Variants in EPC2 observed in about 807,000 individuals in gnomAD.
The protein encoded by EPC2 is enhancer of polycomb 2.
EPC2 carries 14 observed loss-of-function variants against 92.1 expected under a neutral mutation model. The ratio of observed to expected loss-of-function variants is 0.15; its 90% CI spans 0.10 to 0.24. The LOEUF (loss-of-function observed/expected upper bound fraction) is 0.24, where lower values mean the gene tolerates loss of function less well. EPC2 is among the 10% of genes least tolerant of loss of function. EPC2 has a pLI of 1.00. For synonymous variants in EPC2, 340 were observed against 334.7 expected, an observed-to-expected ratio of 1.02 and a Z score of -0.17; for missense variants, 755 against 971.5, an observed-to-expected ratio of 0.78 and a Z score of 2.96.
intron 1 of EPC2, among the ~76,000 whole-genome samples, chr2:148,651,529 A>T (rs1680684695): frequency 6.6e-6 from 1 of 152,212 alleles, no homozygotes; most frequent in African/African-American, 2.4e-5. Context: ...AGACTAAATT[A>T]TAGGCAGTTT....
chr2:148,690,590 G>A (rs1167645467), intron 2 of EPC2, among the ~76,000 whole-genome samples: 1 of 152,156 alleles, frequency 6.6e-6, no homozygotes, highest in Non-Finnish European at 1.5e-5. Context: ...TATTTATGTA[G>A]TATAGGATTT....
At position 148,732,193 on chromosome 2, in the gene EPC2, T is replaced by G. The variant is rs571486103; in HGVS notation, c.314-11429T>G. Among the ~76,000 whole-genome samples the G allele has an allele frequency of 2.2e-3, 339 of 152,234 alleles. 3 individuals carry two copies. Among genetic ancestry groups the G allele is most frequent in the Middle Eastern group, 6.8e-3 (2 of 294 alleles). On this transcript the variant is annotated intron_variant, in intron 2 of 13. Transcript: ENST00000258484. ...GCAAAGAGTTCTTTCAGTTCTATTATTCTAAGAAAATTAAAAATGACTGCC... is the reference window on the plus strand; with the variant it reads ...GCAAAGAGTTCTTTCAGTTCTATTAGTCTAAGAAAATTAAAAATGACTGCC...
intron 2 of EPC2, among the ~76,000 whole-genome samples, chr2:148,728,440 T>G (rs1040515871): frequency 6.6e-6 from 1 of 152,052 alleles, no homozygotes; most frequent in Non-Finnish European, 1.5e-5. Context: ...ATTATCCAGT[T>G]TCCTAGAAAA....
At chr2:148,690,084 T>C (rs1681613246) in intron 1 of EPC2, 130 bp from the exon 2 acceptor site, 2 of 854,152 alleles carry the variant, frequency 2.3e-6, no homozygotes, top group East Asian at 2.8e-5. Context: ...TGTAGGTCTT[T>C]GGCAAAGGAA....
In EPC2 at chr2:148,787,000, A is replaced by C. The variant is rs1683880905; in HGVS notation, c.*623A>C. 1 of 152,648 alleles carries C rather than the reference A, an allele frequency of 6.6e-6. No homozygotes were observed. The highest frequency in any genetic ancestry group is 2.4e-5 in the African/African-American group (1 of 41,456). 9.5% of individuals were successfully genotyped at this position (152,648 alleles called of 1,614,324 possible). A position where few individuals can be genotyped will look rare whatever the true frequency, so the allele number is the denominator to read the frequency against. On this transcript the variant is annotated 3_prime_UTR_variant, in exon 14 of 14. Coordinates refer to ENST00000258484, the MANE Select transcript of EPC2 (RefSeq NM_015630.4). ...GGGATGGATCGATACATGCAAATTT[A>C]ATGTAGTAACTCACTTTTCCATATA...
chr2:148,706,189 G>A (rs936885576), intron 2 of EPC2, among the ~76,000 whole-genome samples: 9 of 152,152 alleles, frequency 5.9e-5, no homozygotes, highest in Non-Finnish European at 1.0e-4. Context: ...CATGGCACGA[G>A]AGCTTCGTGA....
At chr2:148,753,804 T>G in intron 3 of EPC2, 123 bp from the exon 4 acceptor site, 1 of 677,910 alleles carries the variant, frequency 1.5e-6, no homozygotes, top group Admixed American at 2.9e-5. Context: ...GTGTCTTCAC[T>G]TACTATAATA....
chr2:148,773,531 T>C (rs1023498124), intron 10 of EPC2, among the ~76,000 whole-genome samples: 5 of 152,236 alleles, frequency 3.3e-5, no homozygotes, highest in Middle Eastern at 6.8e-3. Flanking sequence ...CTATCTTATT[T>C]AATAATTTAT....
chr2:148,701,142 A>C (rs1468775390), intron 2 of EPC2, among the ~76,000 whole-genome samples: 1 of 152,178 alleles, frequency 6.6e-6, no homozygotes, highest in African/African-American at 2.4e-5. Context: ...ACTATGCTCT[A>C]ATTAGTTCCA....
intron 3 of EPC2, among the ~76,000 whole-genome samples, chr2:148,746,332 T>TAA (rs1300964729): frequency 2.6e-5 from 4 of 152,076 alleles, no homozygotes; most frequent in African/African-American, 7.2e-5. Flanking sequence ...GAACTGAACT[T>TAA]ACTGTCTTAC....
chr2:148,718,901 C>T (rs1639752645), intron 2 of EPC2, among the ~76,000 whole-genome samples: 1 of 152,180 alleles, frequency 6.6e-6, no homozygotes, highest in Non-Finnish European at 1.5e-5. Flanking sequence ...AGTCTGTTTA[C>T]ATAATCCCAT....
intron 4 of EPC2, among the ~76,000 whole-genome samples, chr2:148,758,828 G>C (rs1412853087): frequency 1.3e-5 from 2 of 152,186 alleles, no homozygotes; most frequent in African/African-American, 4.8e-5. Context: ...AATATGACAT[G>C]AGAAGGATAC....
intron 1 of EPC2, among the ~76,000 whole-genome samples, chr2:148,657,431 G>A (rs972494129): frequency 2.6e-5 from 4 of 152,032 alleles, no homozygotes. Context: ...TCAAGCTTTA[G>A]CATGCTTCAG....
At chr2:148,719,398 G>T (rs1682323736) in intron 2 of EPC2, among the ~76,000 whole-genome samples, 2 of 152,136 alleles carry the variant, frequency 1.3e-5, no homozygotes, top group African/African-American at 2.4e-5. Context: ...GATCTTTGAG[G>T]TTGCTGACCT....
At chr2:148,721,366 C>T (rs1340312045) in intron 2 of EPC2, among the ~76,000 whole-genome samples, 1 of 151,876 alleles carries the variant, frequency 6.6e-6, no homozygotes, top group Non-Finnish European at 1.5e-5. Flanking sequence ...TATTTCACTC[C>T]ATGCTGTTCT....
At chr2:148,727,782 A>G (rs1418505315) in intron 2 of EPC2, among the ~76,000 whole-genome samples, 2 of 152,236 alleles carry the variant, frequency 1.3e-5, no homozygotes, top group East Asian at 3.8e-4. Flanking sequence ...TTTAAAACAC[A>G]AAATTATCTT....
intron 4 of EPC2, among the ~76,000 whole-genome samples, chr2:148,760,556 T>C (rs1683284246): frequency 6.6e-6 from 1 of 152,220 alleles, no homozygotes; most frequent in Admixed American, 6.5e-5. Context: ...TATTAATTTT[T>C]TTAATTGAAA....
In EPC2 at chr2:148,675,290, T is replaced by C. The variant is rs776808395; in HGVS notation, c.154-14924T>C. Among the ~76,000 whole-genome samples, 93 of 152,172 alleles carry C rather than the reference T, an allele frequency of 6.1e-4. 1 individual carries two copies. The highest frequency in any genetic ancestry group is 2.4e-4 in the Non-Finnish European group (16 of 68,030). On this transcript the variant is annotated intron_variant, in intron 1 of 13. Coordinates refer to ENST00000258484, the MANE Select transcript of EPC2 (RefSeq NM_015630.4). ...CTTTTATGTTCTTAGTTTTGGAGAT[T>C]TTCAGATTTCAGGTGATTTTTAAAA...
chr2:148,650,891 G>A (rs1680669108), intron 1 of EPC2, among the ~76,000 whole-genome samples: 1 of 152,088 alleles, frequency 6.6e-6, no homozygotes, highest in South Asian at 2.1e-4. Flanking sequence ...GTTCTGTATA[G>A]GAAAAGTATG....
Sources: allele counts gnomAD v4.1 joint callset (sites outside exome capture counted in the v4.1 genomes callset), GRCh38; gene constraint gnomAD v4.1.1; transcripts MANE v1.5; gene names NCBI Gene and HGNC (gene_info 2026-07-23, HGNC 2026-07-21).